RFX3: variants seen among roughly 807,000 people sequenced by gnomAD.
RFX3 encodes the protein regulatory factor X3.
A neutral mutation model predicts 98.6 loss-of-function variants in RFX3; 14 were observed. The ratio of observed to expected loss-of-function variants is 0.14; its 90% CI spans 0.09 to 0.22. The LOEUF (loss-of-function observed/expected upper bound fraction) is 0.22, where lower values mean the gene tolerates loss of function less well. Ranked by LOEUF, RFX3 falls within the 10% of genes least tolerant of loss-of-function variation. The probability of loss-of-function intolerance (pLI) is 1.00; values close to 1 mark genes in which losing one functional copy is unlikely to be tolerated. For missense variants in RFX3, 639 were observed against 926.9 expected (o/e 0.69, Z 4.03); for synonymous variants, 383 against 328.4 (o/e 1.17, Z -1.80).
chr9:3,228,057 A>G (rs1375187587), intron 16 of RFX3, among the ~76,000 whole-genome samples: 1 of 152,168 alleles, frequency 6.6e-6, no homozygotes, highest in African/African-American at 2.4e-5. Context: ...ACACCTCAAG[A>G]GACCTCCCAC....
chr9:3,431,026 C>T (rs995710883), intron 1 of RFX3, among the ~76,000 whole-genome samples: 22 of 152,206 alleles, frequency 1.4e-4, no homozygotes, highest in Admixed American at 8.5e-4. Flanking sequence ...TGTAAAGATG[C>T]CGTATTAAAT....
At chr9:3,490,581 TTC>T (rs1479345459) in intron 1 of RFX3, among the ~76,000 whole-genome samples, 1 of 152,116 alleles carries the variant, frequency 6.6e-6, no homozygotes, top group African/African-American at 2.4e-5. Context: ...ATTTTTAGTT[TTC>T]AAAGAACTAT....
chr9:3,244,582 G>A (rs980087040), intron 15 of RFX3, among the ~76,000 whole-genome samples: 9 of 152,108 alleles, frequency 5.9e-5, no homozygotes, highest in African/African-American at 2.2e-4. Context: ...CTCTGTCAGG[G>A]CCTGTGCACA....
intron 1 of RFX3, chr9:3,420,646 C>T (rs918687183): frequency 2.4e-5 from 7 of 289,128 alleles, no homozygotes; most frequent in African/African-American, 9.2e-5. Flanking sequence ...GCTGCATCAC[C>T]GTATCCCACA....
chr9:3,405,543 TAC>T (rs1218244935), intron 1 of RFX3, among the ~76,000 whole-genome samples: 1 of 152,180 alleles, frequency 6.6e-6, no homozygotes, highest in Non-Finnish European at 1.5e-5. Context: ...CCTTGGGGAA[TAC>T]ACAGTCTGCC....
At chr9:3,424,925 T>C (rs1328288064) in intron 1 of RFX3, among the ~76,000 whole-genome samples, 5 of 152,138 alleles carry the variant, frequency 3.3e-5, no homozygotes, top group African/African-American at 7.2e-5. Flanking sequence ...GTAGGATGCC[T>C]TAATAAGAAA....
At chr9:3,233,635 G>T (rs1052552219) in intron 15 of RFX3, among the ~76,000 whole-genome samples, 17 of 152,134 alleles carry the variant, frequency 1.1e-4, no homozygotes, top group Admixed American at 5.9e-4. Context: ...CTTCCCTGCT[G>T]GAAGAGTTTA....
chr9:3,338,588 C>T (rs554706112), intron 3 of RFX3, among the ~76,000 whole-genome samples: 9 of 152,210 alleles, frequency 5.9e-5, no homozygotes, highest in African/African-American at 2.2e-4. Context: ...CCCGGAGTGC[C>T]TGTTGCAACA....
At chr9:3,484,097 GAT>G (rs1378527143) in intron 1 of RFX3, among the ~76,000 whole-genome samples, 1 of 152,140 alleles carries the variant, frequency 6.6e-6, no homozygotes, top group East Asian at 1.9e-4. Flanking sequence ...GCAGATGTAG[GAT>G]ATATAAAGAC....
chr9:3,499,033 C>G (rs1036434617), intron 1 of RFX3, among the ~76,000 whole-genome samples: 1 of 152,092 alleles, frequency 6.6e-6, no homozygotes, highest in African/African-American at 2.4e-5. Context: ...TGAGAGATTT[C>G]TAACAAAGGG....
intron 5 of RFX3, among the ~76,000 whole-genome samples, chr9:3,298,371 T>G (rs1454670438): frequency 1.3e-5 from 2 of 151,824 alleles, no homozygotes; most frequent in African/African-American, 4.8e-5. Flanking sequence ...GAAGCAAACT[T>G]GAAAAGAAAC....
In RFX3 at chr9:3,429,852, C is replaced by A. The variant is rs188598588; in HGVS notation, c.-8-34256G>T. ...GACTTGATATCTCCCTATTTCAAAG[C>A]CCTCAATCTCTTTGAAGCAGCCCAC... is the stretch of plus-strand genomic sequence containing the variant. On this transcript the variant is annotated intron_variant, in intron 1 of 16. Transcript: ENST00000617270. Among the ~76,000 whole-genome samples the A allele has an allele frequency of 7.2e-5, 11 of 152,264 alleles. No individual in the cohort carries two copies. In the East Asian group the frequency reaches 2.1e-3, roughly 29 times the overall value.
At chr9:3,258,004 T>C (rs143049418) in intron 13 of RFX3, among the ~76,000 whole-genome samples, 307 of 152,314 alleles carry the variant, frequency 2.0e-3, no homozygotes, top group Admixed American at 5.4e-3. Context: ...CAGTGCTATG[T>C]TGTATTTTAA....
At chr9:3,513,134 T>G (rs1817806225) in intron 1 of RFX3, among the ~76,000 whole-genome samples, 1 of 152,126 alleles carries the variant, frequency 6.6e-6, no homozygotes, top group Admixed American at 6.5e-5. Context: ...ATATAAATCC[T>G]TTAATTCCTC....
intron 11 of RFX3, among the ~76,000 whole-genome samples, chr9:3,269,573 C>G (rs1824102643): frequency 6.6e-6 from 1 of 152,110 alleles, no homozygotes; most frequent in African/African-American, 2.4e-5. Flanking sequence ...TCAGCTGCCT[C>G]TAACAGTATC....
At chr9:3,497,450 G>T (rs545589227) in intron 1 of RFX3, among the ~76,000 whole-genome samples, 14 of 152,036 alleles carry the variant, frequency 9.2e-5, no homozygotes, top group South Asian at 2.1e-4. Flanking sequence ...CCAAAAATTA[G>T]AGTTTTTGCC....
intron 14 of RFX3, among the ~76,000 whole-genome samples, chr9:3,252,393 G>A (rs1821534548): frequency 6.6e-6 from 1 of 152,130 alleles, no homozygotes; most frequent in African/African-American, 2.4e-5. Flanking sequence ...CTATAAATCA[G>A]GGCCAGAGAT....
rs1041614707 is a variant in RFX3 at position 3,415,202 on chromosome 9, T to C, written c.-8-19606A>G. Among the ~76,000 whole-genome samples the C allele has an allele frequency of 1.8e-4, 24 of 131,144 alleles. 3 individuals carry two copies. The highest frequency in any genetic ancestry group is 1.5e-3 in the Admixed American group (19 of 12,916). The allele number at this position is 131,144 out of a possible 152,430, so 86.0% of individuals were successfully genotyped here. A position where few individuals can be genotyped will look rare whatever the true frequency, so the allele number is the denominator to read the frequency against. ...ATATATACACATACTCATATATATA[T>C]ATATATACATACTCATATATATATA... On this transcript the variant is annotated intron_variant, in intron 1 of 16. Transcript: ENST00000617270.
chr9:3,411,561 C>T (rs936091501), intron 1 of RFX3, among the ~76,000 whole-genome samples: 5 of 151,878 alleles, frequency 3.3e-5, no homozygotes, highest in Admixed American at 6.6e-5. Context: ...GGGAAGCCTC[C>T]GCCTCCTGGG....
Sources: allele counts gnomAD v4.1 joint callset (sites outside exome capture counted in the v4.1 genomes callset), GRCh38; gene constraint gnomAD v4.1.1; transcripts MANE v1.5; gene names NCBI Gene and HGNC (gene_info 2026-07-23, HGNC 2026-07-21).